MPDZ: variants seen among roughly 807,000 people sequenced by gnomAD.
The protein encoded by MPDZ is multiple PDZ domain crumbs cell polarity complex component.
MPDZ carries 234 observed loss-of-function variants against 239.1 expected under a neutral mutation model. The observed-to-expected ratio is 0.98, with a 90% CI of 0.88 to 1.09. The LOEUF is 1.09. MPDZ is among the 50% of genes least tolerant of loss of function. MPDZ has a pLI of 0.00. For missense variants in MPDZ, 3,175 were observed against 2,510.0 expected, an observed-to-expected ratio of 1.26 and a Z score of -5.66; for synonymous variants, 1,048 against 881.3, an observed-to-expected ratio of 1.19 and a Z score of -3.35.
intron 42 of MPDZ, 25 bp downstream of exon 42, chr9:13,112,986 A>G: frequency 6.4e-7 from 1 of 1,566,764 alleles, no homozygotes; most frequent in Non-Finnish European, 8.7e-7. Context: ...GCCAGGGTTT[A>G]TATTGTTTTC....
At chr9:13,248,631 G>A (rs553367701) in intron 2 of MPDZ, among the ~76,000 whole-genome samples, 2 of 151,886 alleles carry the variant, frequency 1.3e-5, no homozygotes, top group South Asian at 4.2e-4. Flanking sequence ...ATGGTAACAA[G>A]TATATCTATT....
At position 13,228,931 on chromosome 9, in the gene MPDZ, G is replaced by A. The variant is rs528769934; in HGVS notation, c.184-4348C>T. Among the ~76,000 whole-genome samples, 57 of 152,198 alleles carry A rather than the reference G, an allele frequency of 3.7e-4. 1 individual carries two copies. The South Asian group carries it at 5.8e-3, about 16-fold the overall frequency. On this transcript the variant is annotated intron_variant, in intron 3 of 46. Coordinates refer to ENST00000319217, the MANE Select transcript of MPDZ (RefSeq NM_001378778.1). Reference sequence around the variant, plus strand: ...GCACATTTAGCTGGTACAAGCTAGCGAAGGACACAAACTAGAGCATCTCTG... The same window carrying A: ...GCACATTTAGCTGGTACAAGCTAGCAAAGGACACAAACTAGAGCATCTCTG...
intron 27 of MPDZ, chr9:13,140,742 T>C (rs1194633891): frequency 6.6e-6 from 1 of 151,998 alleles, no homozygotes; most frequent in African/African-American, 2.4e-5. Flanking sequence ...TTGAGGCATC[T>C]AGAAAAATCT....
rs2136306427 is a variant in MPDZ, at chr9:13,222,391, C to T, written c.589G>A (p.Asp197Asn). The change falls in exon 6 of 47, where the codon GAT becomes AAT. Residue 197 changes from aspartate (D) to asparagine (N), a missense_variant. Coordinates refer to ENST00000319217, the MANE Select transcript of MPDZ (RefSeq NM_001378778.1). ...QILAINGQAL[D>N]QTITHQQAIS... ...GCCTGCTGATGTGTAATTGTCTGAT[C>T]AAGAGCCTGTCCATTGATAGCAAGA... The T allele has an allele frequency of 6.2e-7, 1 of 1,612,778 alleles. No homozygotes were observed. The highest frequency in any genetic ancestry group is 8.5e-7 in the Non-Finnish European group (1 of 1,179,214).
intron 12 of MPDZ, among the ~76,000 whole-genome samples, chr9:13,199,109 T>C (rs1956073578): frequency 6.6e-6 from 1 of 152,030 alleles, no homozygotes; most frequent in African/African-American, 2.4e-5. Flanking sequence ...GTAGTATTGA[T>C]ATTTTAACAA....
rs1178203485 is a variant in MPDZ, at chr9:13,150,773, T to C, written c.3453-85A>G. On this transcript the variant is annotated intron_variant, in intron 24 of 46. Transcript: ENST00000319217. ...TGCTGAATTTGGCAATGATTTCTTA[T>C]ATATAACACCAAAGGCACAGAGAAC... is the stretch of plus-strand genomic sequence containing the variant. 4 of 872,166 alleles carry C rather than the reference T, an allele frequency of 4.6e-6. No individual in the cohort carries two copies. In the African/African-American group the frequency reaches 5.3e-5, roughly 12 times the overall value. 54.0% of individuals were successfully genotyped at this position (872,166 alleles called of 1,614,324 possible).
chr9:13,201,139 C>A (rs990964550), intron 12 of MPDZ, among the ~76,000 whole-genome samples: 36 of 151,856 alleles, frequency 2.4e-4, no homozygotes, highest in African/African-American at 8.4e-4. Context: ...CTGTATTGAC[C>A]TACTGATGCT....
chr9:13,196,066 T>G lies in MPDZ; in HGVS notation c.1656+55A>C. ...GATTGCCTCTATTATTCCCTCGAAC[T>G]GCCTGCTCAAATACAGTTACAAGTT... On this transcript the variant is annotated intron_variant, in intron 13 of 46. Coordinates refer to ENST00000319217, the MANE Select transcript of MPDZ (RefSeq NM_001378778.1). 2.5e-6 allele frequency: 3 copies of G among 1,188,348 alleles called. No individual in the cohort carries two copies. The South Asian group carries it at 4.1e-5, about 16-fold the overall frequency. 73.6% of individuals were successfully genotyped at this position (1,188,348 alleles called of 1,614,324 possible).
intron 39 of MPDZ, among the ~76,000 whole-genome samples, chr9:13,117,944 A>T (rs1204778669): frequency 6.7e-6 from 1 of 149,074 alleles, no homozygotes; most frequent in Admixed American, 6.8e-5. Context: ...TCCCGGGTTC[A>T]GGCGATTCTC....
intron 21 of MPDZ, 29 bp downstream of exon 21, chr9:13,175,720 GAGT>G (rs2134168100): frequency 7.4e-7 from 1 of 1,349,874 alleles, no homozygotes. Context: ...GGGGGTTGAG[GAGT>G]AGGTATATGA....
At position 13,137,985 on chromosome 9, in the gene MPDZ, C is replaced by G. The variant is rs747708011; in HGVS notation, c.4172G>C (p.Arg1391Pro). 5.6e-6 allele frequency: 9 copies of G among 1,613,818 alleles called. No homozygotes were observed. Among genetic ancestry groups the G allele is most frequent in the Non-Finnish European group, 7.6e-6 (9 of 1,179,788 alleles). The change falls in exon 29 of 47, where the codon CGA becomes CCA. Residue 1391 changes from arginine (R) to proline (P), a missense_variant. Coordinates refer to ENST00000319217, the MANE Select transcript of MPDZ (RefSeq NM_001378778.1). ...DPNGAAGKDG[R>P]LQIADELLEI... ...TAGAAGCTCATCTGCAATTTGCAAT[C>G]GACCATCTTTTCCTGCAGCTCCATT...
chr9:13,179,245 T>C (rs963009355), intron 19 of MPDZ, among the ~76,000 whole-genome samples: 2 of 152,144 alleles, frequency 1.3e-5, no homozygotes, highest in African/African-American at 2.4e-5. Flanking sequence ...TCACCCAACT[T>C]TGATAATTTT....
At chr9:13,118,388 T>G (rs1434730621) in intron 39 of MPDZ, among the ~76,000 whole-genome samples, 1 of 152,224 alleles carries the variant, frequency 6.6e-6, no homozygotes. Flanking sequence ...CACATTCATA[T>G]GCCAGATCTT....
At chr9:13,147,129 A>G (rs1425574734) in intron 26 of MPDZ, among the ~76,000 whole-genome samples, 2 of 152,066 alleles carry the variant, frequency 1.3e-5, no homozygotes, top group Non-Finnish European at 2.9e-5. Context: ...ATGGGATTGC[A>G]TAAGTAGGAG....
intron 3 of MPDZ, among the ~76,000 whole-genome samples, chr9:13,226,933 A>G (rs1960811002): frequency 6.6e-6 from 1 of 152,174 alleles, no homozygotes. Flanking sequence ...AATGCTAAGG[A>G]TGATGAAATT....
At chr9:13,128,651 C>G (rs1030570961) in intron 32 of MPDZ, among the ~76,000 whole-genome samples, 1 of 152,172 alleles carries the variant, frequency 6.6e-6, no homozygotes, top group Non-Finnish European at 1.5e-5. Context: ...GGGGTTTGAA[C>G]AACTGAAGTC....
At chr9:13,116,108 T>A (rs141870681) in intron 39 of MPDZ, among the ~76,000 whole-genome samples, 1,711 of 152,234 alleles carry the variant, frequency 0.011, 39 homozygotes, top group African/African-American at 0.039. Flanking sequence ...AAAATTTAGA[T>A]AAATACTGCT....
chr9:13,131,906 A>T (rs1946053406), intron 32 of MPDZ, among the ~76,000 whole-genome samples: 1 of 152,200 alleles, frequency 6.6e-6, no homozygotes, highest in African/African-American at 2.4e-5. Flanking sequence ...CAGAGAAGTT[A>T]AGTGACTCCA....
Position 13,222,418 on chromosome 9 carries a change from T to A in MPDZ, c.562A>T (p.Ile188Phe). 6.2e-7 allele frequency: 1 copy of A among 1,612,336 alleles called. No individual in the cohort carries two copies. Among genetic ancestry groups the A allele is most frequent in the Non-Finnish European group, 8.5e-7 (1 of 1,179,104 alleles). Reference sequence around the variant, plus strand: ...AGAGCCTGTCCATTGATAGCAAGAATTTGATCAGTTTCTTTCAATCTTCCA... The same window carrying A: ...AGAGCCTGTCCATTGATAGCAAGAAATTGATCAGTTTCTTTCAATCTTCCA... ...RDGRLKETDQILAINGQALDQ... is the reference protein window; with the variant it reads ...RDGRLKETDQFLAINGQALDQ... The change falls in exon 6 of 47, where the codon ATT becomes TTT. Residue 188 changes from isoleucine to phenylalanine, a missense_variant. Coordinates refer to ENST00000319217, the MANE Select transcript of MPDZ (RefSeq NM_001378778.1).
Sources: gnomAD v4.1 joint callset for allele counts (sites outside exome capture counted in the v4.1 genomes callset) on GRCh38, gnomAD v4.1.1 for gene constraint, MANE v1.5 for transcripts, NCBI Gene and HGNC (gene_info 2026-07-23, HGNC 2026-07-21) for gene names.